LINGO2: variants seen among roughly 807,000 people sequenced by gnomAD.
LINGO2 encodes leucine rich repeat and Ig domain containing 2, also known as leucine-rich repeat and immunoglobulin-like domain-containing nogo receptor-interacting protein 2.
A neutral mutation model predicts 30.6 loss-of-function variants in LINGO2; 14 were observed. The ratio of observed to expected loss-of-function variants is 0.46; its 90% CI spans 0.30 to 0.72. The LOEUF is 0.72. Ranked by LOEUF, LINGO2 falls within the 30% of genes least tolerant of loss-of-function variation. The pLI, the probability that LINGO2 is intolerant of heterozygous loss-of-function variation, is 0.07. For synonymous variants in LINGO2, 317 were observed against 288.5 expected, an observed-to-expected ratio of 1.10 and a Z score of -1.00; for missense variants, 729 against 751.7, an observed-to-expected ratio of 0.97 and a Z score of 0.35.
At chr9:28,039,325 G>A (rs1362691811) in intron 4 of LINGO2, among the ~76,000 whole-genome samples, 3 of 152,190 alleles carry the variant, frequency 2.0e-5, no homozygotes, top group African/African-American at 7.2e-5. Context: ...AGCTTAAGAA[G>A]TTCTATATAT....
At chr9:27,999,180 A>G (rs551399914) in intron 5 of LINGO2, among the ~76,000 whole-genome samples, 1 of 152,052 alleles carries the variant, frequency 6.6e-6, no homozygotes, top group East Asian at 1.9e-4. Context: ...TGAAAAAGCA[A>G]AAAAAAACCC....
chr9:27,997,410 T>C (rs1438420106), intron 5 of LINGO2, among the ~76,000 whole-genome samples: 1 of 151,116 alleles, frequency 6.6e-6, no homozygotes, highest in African/African-American at 2.4e-5. Flanking sequence ...CCCCCCGTCA[T>C]AAGTGAGAAA....
the LINGO2 span, among the ~76,000 whole-genome samples, chr9:28,883,938 A>G: frequency 1.3e-4 from 20 of 151,054 alleles, no homozygotes; most frequent in Admixed American, 4.0e-4. Flanking sequence ...TCAGCCTCCC[A>G]AAGTGCTGGG....
At chr9:28,546,332 C>T (rs1389678087) in intron 1 of LINGO2, among the ~76,000 whole-genome samples, 1 of 151,978 alleles carries the variant, frequency 6.6e-6, no homozygotes, top group African/African-American at 2.4e-5. Context: ...TTCTATGTGA[C>T]ATGGGAGCCT....
intron 4 of LINGO2, among the ~76,000 whole-genome samples, chr9:28,140,559 T>C (rs1471094446): frequency 6.6e-6 from 1 of 152,228 alleles, no homozygotes; most frequent in East Asian, 1.9e-4. Flanking sequence ...TCTTTGCCCA[T>C]GAAGTTTTCT....
At chr9:28,510,874 C>T (rs931608554) in intron 1 of LINGO2, among the ~76,000 whole-genome samples, 35 of 152,168 alleles carry the variant, frequency 2.3e-4, no homozygotes, top group African/African-American at 8.2e-4. Context: ...GCAAAGAGAA[C>T]GAGTCCAAGT....
At chr9:28,463,019 T>G (rs1825144994) in intron 2 of LINGO2, among the ~76,000 whole-genome samples, 1 of 152,086 alleles carries the variant, frequency 6.6e-6, no homozygotes, top group Non-Finnish European at 1.5e-5. Context: ...ATACTAGGGC[T>G]AGAAGATGAC....
At chr9:28,863,439 T>C in the LINGO2 span, among the ~76,000 whole-genome samples, 1 of 152,076 alleles carries the variant, frequency 6.6e-6, no homozygotes, top group African/African-American at 2.4e-5. Flanking sequence ...AAAGTAACCA[T>C]AATTTCTGGT....
intron 4 of LINGO2, among the ~76,000 whole-genome samples, chr9:28,187,259 G>C (rs924626790): frequency 4.6e-5 from 7 of 152,136 alleles, no homozygotes; most frequent in African/African-American, 7.2e-5. Flanking sequence ...GGGAGGCTGA[G>C]GCAGGCAGAT....
chr9:28,100,632 G>A (rs191246031), intron 4 of LINGO2, among the ~76,000 whole-genome samples: 1 of 152,252 alleles, frequency 6.6e-6, no homozygotes, highest in East Asian at 1.9e-4. Flanking sequence ...CTTGTTTGTG[G>A]CCATTAATGT....
the LINGO2 span, among the ~76,000 whole-genome samples, chr9:28,861,136 A>AATATATTTATATAATATAAATTATATAAG: frequency 8.8e-6 from 1 of 113,148 alleles, no homozygotes; most frequent in Non-Finnish European, 1.7e-5. Context: ...AATTATATAA[A>AATATATTTATATAATATAAATTATATAAG]TTTTTATATA....
chr9:28,147,530 G>T lies in LINGO2; in HGVS notation c.-86-135125C>A, dbSNP rs975275782. Among the ~76,000 whole-genome samples, 1 of 152,184 alleles carries T rather than the reference G, an allele frequency of 6.6e-6. No individual in the cohort carries two copies. The highest frequency in any genetic ancestry group is 2.4e-5 in the African/African-American group (1 of 41,456). On this transcript the variant is annotated intron_variant, in intron 4 of 5. Coordinates refer to ENST00000379992, the Ensembl canonical transcript of LINGO2. The surrounding 1 kb of genome is among the most constrained non-coding windows in gnomAD (Gnocchi z 4.7). The stretch of plus-strand genomic sequence containing the variant: ...GAGGCACTGGAGAGGCCCCGGGGGA[G>T]CCTGGCGGGATCTGGCTGGTCCTGT...
chr9:28,585,213 A>C (rs1824468284), intron 1 of LINGO2, among the ~76,000 whole-genome samples: 1 of 152,056 alleles, frequency 6.6e-6, no homozygotes, highest in Non-Finnish European at 1.5e-5. Context: ...ATTCACAGGT[A>C]ATTGGAAATC....
chr9:29,174,397 A>C, the LINGO2 span, among the ~76,000 whole-genome samples: 1 of 152,226 alleles, frequency 6.6e-6, no homozygotes, highest in Non-Finnish European at 1.5e-5. Flanking sequence ...GGAACAGAGT[A>C]AAATATACTT....
In LINGO2 at chr9:28,255,347, T is replaced by C. The variant is rs139074807; in HGVS notation, c.-87+39861A>G. On this transcript the variant is annotated intron_variant, in intron 4 of 5. Transcript: ENST00000379992. ...TGACTTCTGCCCTCTCCTCTAGTGA[T>C]TGAAATCTTATCCTCCTGTAGAGAA... Among the ~76,000 whole-genome samples, 6 of 152,150 alleles carry C rather than the reference T, an allele frequency of 3.9e-5. No individual in the cohort carries two copies. The East Asian group carries it at 5.8e-4, about 15-fold the overall frequency.
At chr9:28,449,044 T>TGTGTGTGTGTGTGC (rs1824542878) in intron 2 of LINGO2, among the ~76,000 whole-genome samples, 3 of 149,360 alleles carry the variant, frequency 2.0e-5, no homozygotes, top group African/African-American at 7.3e-5. Context: ...TGTGTGTGTG[T>TGTGTGTGTGTGTGC]GTGTGTGTGT....
intron 4 of LINGO2, among the ~76,000 whole-genome samples, chr9:28,150,283 C>T (rs1393406500): frequency 6.6e-6 from 1 of 152,236 alleles, no homozygotes; most frequent in Non-Finnish European, 1.5e-5. Flanking sequence ...GTGCAACCTT[C>T]CAAGTGTGAA....
chr9:27,950,154 A>T, exon 6 of LINGO2: 1 of 1,614,112 alleles, frequency 6.2e-7, no homozygotes, highest in Non-Finnish European at 8.5e-7. Context: ...AAGCCCACTG[A>T]ATGCCCTGTG....
At chr9:27,996,221 C>T (rs1821654603) in intron 5 of LINGO2, among the ~76,000 whole-genome samples, 1 of 152,060 alleles carries the variant, frequency 6.6e-6, no homozygotes, top group African/African-American at 2.4e-5. Flanking sequence ...CCATGGAAAA[C>T]AGTATAAAGG....
Sources: gnomAD v4.1 joint callset for allele counts (sites outside exome capture counted in the v4.1 genomes callset) on GRCh38, gnomAD v4.1.1 for gene constraint, Gnocchi (gnomAD v3.1) non-coding constraint, MANE v1.5 for transcripts, NCBI Gene and HGNC (gene_info 2026-07-23, HGNC 2026-07-21) for gene names.